The following KPNA7 variants were observed in gnomAD, a reference collection of about 807,000 sequenced individuals.
KPNA7 encodes the protein importin subunit alpha-8.
In KPNA7, 54 loss-of-function variants were observed where a neutral mutation model predicts 53.7. The ratio of observed to expected loss-of-function variants is 1.01; its 90% CI spans 0.81 to 1.26. The LOEUF (loss-of-function observed/expected upper bound fraction) is 1.26. KPNA7 is among the 50% of genes most tolerant of loss of function. KPNA7 has a pLI of 0.00. For synonymous variants in KPNA7, 276 were observed against 259.3 expected (o/e 1.06, Z -0.62); for missense variants, 640 against 644.5 (o/e 0.99, Z 0.07).
At chr7:99,167,038 A>G in the KPNA7 span, among the ~76,000 whole-genome samples, 1 of 152,198 alleles carries the variant, frequency 6.6e-6, no homozygotes, top group Non-Finnish European at 1.5e-5. Context: ...GATTCCCATA[A>G]TATTTAGAAT....
At chr7:99,192,509 C>T (rs186813609) in intron 6 of KPNA7, among the ~76,000 whole-genome samples, 36 of 152,274 alleles carry the variant, frequency 2.4e-4, no homozygotes, top group African/African-American at 8.4e-4. Context: ...CTCTCCTGGG[C>T]TCAAGCAATC....
the KPNA7 span, among the ~76,000 whole-genome samples, chr7:99,167,259 CT>C: frequency 6.6e-6 from 1 of 152,182 alleles, no homozygotes; most frequent in African/African-American, 2.4e-5. Context: ...TCTTCACCTC[CT>C]TCAGGGCCAG....
rs759500699 is a variant in KPNA7 at position 99,196,013 on chromosome 7, G to T, written c.284+71C>A. 4.7e-6 allele frequency: 6 copies of T among 1,275,684 alleles called. No homozygotes were observed. The African/African-American group carries it at 7.4e-5, about 16-fold the overall frequency. The allele number at this position is 1,275,684 out of a possible 1,614,324, so 79.0% of individuals were successfully genotyped here. ...ATGCCAAGAAACCAAATAGGCCACC[G>T]GCGCTCCAGCCATCACTGACGCTCA... On this transcript the variant is annotated intron_variant, in intron 4 of 10. Transcript: ENST00000327442.
intron 7 of KPNA7, among the ~76,000 whole-genome samples, chr7:99,187,430 C>A (rs879545324): frequency 7.9e-5 from 12 of 152,064 alleles, no homozygotes; most frequent in Middle Eastern, 3.4e-3. Flanking sequence ...CTCACTGTCA[C>A]TCTGGCTGGA....
the KPNA7 span, among the ~76,000 whole-genome samples, chr7:99,154,575 G>A: frequency 1.3e-5 from 2 of 151,112 alleles, no homozygotes; most frequent in East Asian, 3.9e-4. Flanking sequence ...TGTCGCCCAG[G>A]CTGGAGTGCA....
At chr7:99,151,458 G>GTTT in the KPNA7 span, among the ~76,000 whole-genome samples, 341 of 147,356 alleles carry the variant, frequency 2.3e-3, no homozygotes, top group East Asian at 7.4e-3. Flanking sequence ...TTTGTTTTTG[G>GTTT]TTTTTTTTTT....
At chr7:99,152,924 C>A in the KPNA7 span, among the ~76,000 whole-genome samples, 1 of 152,116 alleles carries the variant, frequency 6.6e-6, no homozygotes, top group South Asian at 2.1e-4. Context: ...ACTGTACTTA[C>A]TTTAGTTGAA....
chr7:99,184,770 C>T (rs569685314), intron 8 of KPNA7, among the ~76,000 whole-genome samples, 159 bp downstream of exon 8: 1 of 152,180 alleles, frequency 6.6e-6, no homozygotes, highest in Non-Finnish European at 1.5e-5. Flanking sequence ...GAATGGAACG[C>T]CCCCTTCCTT....
At chr7:99,167,149 C>T in the KPNA7 span, among the ~76,000 whole-genome samples, 1 of 152,228 alleles carries the variant, frequency 6.6e-6, no homozygotes, top group Non-Finnish European at 1.5e-5. Context: ...AGCCACGGAG[C>T]CTGCTGTTCA....
the KPNA7 span, among the ~76,000 whole-genome samples, chr7:99,161,472 T>C: frequency 2.0e-5 from 3 of 152,166 alleles, no homozygotes; most frequent in Non-Finnish European, 4.4e-5. Context: ...GGCTGACAGC[T>C]TAAGTCCAAC....
At chr7:99,159,206 G>C in the KPNA7 span, among the ~76,000 whole-genome samples, 144 of 151,982 alleles carry the variant, frequency 9.5e-4, 1 homozygote, top group African/African-American at 3.3e-3. Flanking sequence ...TCATTAGCCA[G>C]GCATGGTAGT....
At chr7:99,215,369 C>CAAAAAAAAAA (rs533680824) in intron 1 of KPNA7, among the ~76,000 whole-genome samples, 4 of 52,056 alleles carry the variant, frequency 7.7e-5, no homozygotes, top group African/African-American at 2.9e-4. Flanking sequence ...GAGACTGTCT[C>CAAAAAAAAAA]AAAAAAAAAA....
the KPNA7 span, among the ~76,000 whole-genome samples, chr7:99,158,112 T>C: frequency 6.6e-6 from 1 of 152,214 alleles, no homozygotes; most frequent in Admixed American, 6.5e-5. Context: ...CTGGTACTCC[T>C]GGCCTCAAGC....
intron 2 of KPNA7, among the ~76,000 whole-genome samples, chr7:99,204,322 C>T (rs371104118): frequency 5.5e-4 from 83 of 151,132 alleles, no homozygotes; most frequent in Middle Eastern, 3.5e-3. Flanking sequence ...CAGTGAGCTA[C>T]GATTGTACCA....
upstream of KPNA7, among the ~76,000 whole-genome samples, chr7:99,212,414 T>C (rs1215405505): frequency 6.6e-6 from 1 of 151,860 alleles, no homozygotes; most frequent in Non-Finnish European, 1.5e-5. Context: ...CAGCTAATTT[T>C]TGTATTTTTT....
the KPNA7 span, among the ~76,000 whole-genome samples, chr7:99,164,456 G>T: frequency 6.6e-6 from 1 of 152,208 alleles, no homozygotes; most frequent in Non-Finnish European, 1.5e-5. Flanking sequence ...CATGGACACA[G>T]GAAGGGGAAC....
intron 5 of KPNA7, 133 bp from the exon 6 acceptor site, chr7:99,193,234 G>A: frequency 3.8e-6 from 2 of 526,462 alleles, no homozygotes; most frequent in Non-Finnish European, 6.5e-6. Context: ...AGGTAGTAGA[G>A]CCACGTACTA....
upstream of KPNA7, among the ~76,000 whole-genome samples, chr7:99,212,794 G>A (rs565434736): frequency 8.5e-5 from 13 of 152,122 alleles, no homozygotes; most frequent in East Asian, 1.9e-4. Context: ...CCAGATACTC[G>A]GTGGGAGGAT....
the KPNA7 span, among the ~76,000 whole-genome samples, chr7:99,158,142 C>T: frequency 6.6e-6 from 1 of 152,148 alleles, no homozygotes; most frequent in African/African-American, 2.4e-5. Context: ...ACCTCAGCCT[C>T]CCAAAGTGCT....
Sources: gnomAD v4.1 joint callset for allele counts (sites outside exome capture counted in the v4.1 genomes callset) on GRCh38, gnomAD v4.1.1 for gene constraint, MANE v1.5 for transcripts, NCBI Gene and HGNC (gene_info 2026-07-23, HGNC 2026-07-21) for gene names.